The following WEE1 variants were observed in gnomAD, a reference collection of about 807,000 sequenced individuals.
WEE1 encodes the protein WEE1 G2 checkpoint kinase, also known as wee1-like protein kinase.
A neutral mutation model predicts 68.8 loss-of-function variants in WEE1; 16 were observed. That is an observed-to-expected ratio of 0.23 (90% CI 0.16 to 0.35). The LOEUF (loss-of-function observed/expected upper bound fraction) is 0.35, where lower values mean the gene tolerates loss of function less well. WEE1 is among the 10% of genes least tolerant of loss of function. The probability of loss-of-function intolerance (pLI) is 1.00; values close to 1 mark genes in which losing one functional copy is unlikely to be tolerated. For synonymous variants in WEE1, 349 were observed against 318.7 expected (o/e 1.09, Z -1.01); for missense variants, 651 against 824.1 (o/e 0.79, Z 2.57).
intron 5 of WEE1, chr11:9,579,167 G>A (rs895111768): frequency 2.0e-5 from 3 of 152,112 alleles, no homozygotes; most frequent in African/African-American, 7.2e-5. Flanking sequence ...GCCTCTTAAA[G>A]CAATATAAAA....
chr11:9,578,981 A>T (rs932972397), intron 5 of WEE1: 3 of 151,450 alleles, frequency 2.0e-5, no homozygotes, highest in Non-Finnish European at 2.9e-5. Context: ...ATCTCTGCTC[A>T]CTGCAACCTT....
chr11:9,583,759 G>GCACACA (rs1412609889), intron 6 of WEE1, among the ~76,000 whole-genome samples: 187 of 41,452 alleles, frequency 4.5e-3, no homozygotes, highest in Non-Finnish European at 6.5e-3. Flanking sequence ...GTGCACGCGC[G>GCACACA]CGCACACACA....
At chr11:9,582,477 T>C (rs1458612654) in intron 6 of WEE1, among the ~76,000 whole-genome samples, 1 of 152,206 alleles carries the variant, frequency 6.6e-6, no homozygotes, top group Non-Finnish European at 1.5e-5. Context: ...ACCTGTTGAT[T>C]TGTGAGAATT....
chr11:9,579,509 T>C (rs777825762), intron 5 of WEE1: 2 of 152,236 alleles, frequency 1.3e-5, no homozygotes, highest in Non-Finnish European at 1.5e-5. Context: ...GGAATTAACC[T>C]GTATAAACAA....
At position 9,577,255 on chromosome 11, in the gene WEE1, A is replaced by G. The variant is rs1216361016; in HGVS notation, c.1133A>G (p.Tyr378Cys). Reference sequence around the variant, plus strand: ...GATCATATGCTTATACAGAATGAATATTGTAATGGTGAGTGATGTAATGGT... The same window carrying G: ...GATCATATGCTTATACAGAATGAATGTTGTAATGGTGAGTGATGTAATGGT... The part of the protein sequence containing the change: ...EDDHMLIQNE[Y>C]CNGGSLADAI... Residue 378 changes from tyrosine to cysteine, a missense_variant, in exon 5 of 11, where the codon TAT (tyrosine) becomes TGT (cysteine). By Grantham distance (194) the Tyr-to-Cys change is radical. Coordinates refer to ENST00000450114, the MANE Select transcript of WEE1 (RefSeq NM_003390.4). 1.2e-6 allele frequency: 2 copies of G among 1,612,904 alleles called. No individual in the cohort carries two copies. The highest frequency in any genetic ancestry group is 1.3e-5 in the African/African-American group (1 of 74,914).
Position 9,574,790 on chromosome 11 carries a change from C to T in WEE1, c.576+281C>T. The T allele has an allele frequency of 5.0e-6, 5 of 1,007,464 alleles. No homozygotes were observed. The highest frequency in any genetic ancestry group is 5.9e-6 in the Non-Finnish European group (5 of 844,508). The allele number at this position is 1,007,464 out of a possible 1,614,324, so 62.4% of individuals were successfully genotyped here. On this transcript the variant is annotated intron_variant, in intron 1 of 10. Transcript: ENST00000450114. This position sits in a 1 kb window ranked among gnomAD's most constrained non-coding sequence, Gnocchi z 4.9. ...TGCCGCCCGTTGAGTCCGGGCCGCC[C>T]CGAGCGTGTCAGCCCCGAGTGCGGC...
In WEE1 at chr11:9,573,918, C is replaced by T; in HGVS notation, c.-16C>T. The T allele has an allele frequency of 1.6e-6, 2 of 1,256,708 alleles. No homozygotes were observed. Among genetic ancestry groups the T allele is most frequent in the Non-Finnish European group, 2.0e-6 (2 of 1,002,142 alleles). The allele number at this position is 1,256,708 out of a possible 1,614,324, so 77.8% of individuals were successfully genotyped here. Reference sequence around the variant, plus strand: ...GCCTCCGCTCTCCTGTCCTCGGCCCCGTCCCCAGGGCCGCGATGAGCTTCC... The same window carrying T: ...GCCTCCGCTCTCCTGTCCTCGGCCCTGTCCCCAGGGCCGCGATGAGCTTCC... On this transcript the variant is annotated 5_prime_UTR_variant, in exon 1 of 11. Coordinates refer to ENST00000450114, the MANE Select transcript of WEE1 (RefSeq NM_003390.4).
chr11:9,576,191 C>G lies in WEE1; in HGVS notation c.783-39C>G, dbSNP rs1461271466. 1 of 1,582,538 alleles carries G rather than the reference C, an allele frequency of 6.3e-7. No individual in the cohort carries two copies. The highest frequency in any genetic ancestry group is 1.1e-5 in the South Asian group (1 of 88,236). On this transcript the variant is annotated intron_variant, in intron 2 of 10. Coordinates refer to ENST00000450114, the MANE Select transcript of WEE1 (RefSeq NM_003390.4). The surrounding 1 kb of genome is among the most constrained non-coding windows in gnomAD (Gnocchi z 4.3). ...TTCCTATTTAATGGCATGGATGTAT[C>G]TGTCAGATATATTGATAGAAAAATA...
chr11:9,574,591 G>C lies in WEE1; in HGVS notation c.576+82G>C. Reference sequence around the variant, plus strand: ...GCGCCGCTGCCTGGGTTCGGTTACAGAAGCGGCCGGCCGCTCCCCCCTCGC... The same window carrying C: ...GCGCCGCTGCCTGGGTTCGGTTACACAAGCGGCCGGCCGCTCCCCCCTCGC... On this transcript the variant is annotated intron_variant, in intron 1 of 10. Transcript: ENST00000450114. The surrounding 1 kb of genome is among the most constrained non-coding windows in gnomAD (Gnocchi z 4.9). The C allele has an allele frequency of 8.9e-7, 1 of 1,125,226 alleles. No individual in the cohort carries two copies. The allele number at this position is 1,125,226 out of a possible 1,614,324, so 69.7% of individuals were successfully genotyped here. A position where few individuals can be genotyped will look rare whatever the true frequency, so the allele number is the denominator to read the frequency against.
chr11:9,577,341 C>T (rs1464519167), intron 5 of WEE1, 78 bp downstream of exon 5: 2 of 1,513,044 alleles, frequency 1.3e-6, no homozygotes, highest in East Asian at 2.3e-5. Context: ...TAAAATCTTG[C>T]TCTATTTCTG....
At chr11:9,575,232 G>C (rs1301164220) in intron 1 of WEE1, 1 of 985,442 alleles carries the variant, frequency 1.0e-6, no homozygotes, top group Non-Finnish European at 1.2e-6. Flanking sequence ...TAAAGAAGGA[G>C]GTGTTCAGCA....
chr11:9,579,190 A>C (rs1483600732), intron 5 of WEE1: 31 of 152,340 alleles, frequency 2.0e-4, no homozygotes, highest in Admixed American at 2.0e-3. Flanking sequence ...CTTGAAGAAA[A>C]TAAATAGTCC....
Position 9,576,543 on chromosome 11 carries a change from G to A in WEE1, c.903G>A (p.Glu301=), listed in dbSNP as rs1479742060. ...MKSRYTTEFH[E]LEKIGSGEFG... is the part of the protein sequence containing the mutation. ...CCCGGTATACAACAGAATTTCATGA[G>A]CTAGAGAAAATCGGCTCTGGAGAAT... Residue 301 remains glutamate (E), a synonymous_variant, in exon 4 of 11, where the codon GAG becomes GAA. Transcript: ENST00000450114. The surrounding 1 kb of genome is among the most constrained non-coding windows in gnomAD (Gnocchi z 4.3). The A allele has an allele frequency of 3.1e-6, 5 of 1,613,902 alleles. No homozygotes were observed. The highest frequency in any genetic ancestry group is 1.3e-5 in the African/African-American group (1 of 74,910).
At chr11:9,582,644 G>C (rs1053103161) in intron 6 of WEE1, among the ~76,000 whole-genome samples, 1 of 152,244 alleles carries the variant, frequency 6.6e-6, no homozygotes, top group East Asian at 1.9e-4. Context: ...TCAGCTCTCT[G>C]TAACCTCTGC....
chr11:9,578,941 C>G (rs1381669197), intron 5 of WEE1: 1 of 150,728 alleles, frequency 6.6e-6, no homozygotes, highest in Non-Finnish European at 1.5e-5. Context: ...GAGCCTTGCT[C>G]TGTCGCCCAG....
intron 6 of WEE1, among the ~76,000 whole-genome samples, chr11:9,582,129 C>T (rs1184587433): frequency 2.0e-5 from 3 of 152,252 alleles, no homozygotes; most frequent in South Asian, 2.1e-4. Context: ...TAAAGCCCCA[C>T]TCTTCCACTA....
chr11:9,589,527 T>C lies in WEE1; in HGVS notation c.*925T>C. The C allele has an allele frequency of 1.0e-6, 1 of 985,646 alleles. No homozygotes were observed. The highest frequency in any genetic ancestry group is 1.2e-6 in the Non-Finnish European group (1 of 829,866). The allele number at this position is 985,646 out of a possible 1,614,324, so 61.1% of individuals were successfully genotyped here. A position where few individuals can be genotyped will look rare whatever the true frequency, so the allele number is the denominator to read the frequency against. On this transcript the variant is annotated 3_prime_UTR_variant, in exon 11 of 11. Transcript: ENST00000450114. ...GTATATAAACCGATCTTCGTGATAC[T>C]GTACATAGCTGTTTGAAATGCCAGA...
intron 5 of WEE1, 110 bp downstream of exon 5, chr11:9,577,373 T>C: frequency 7.2e-7 from 1 of 1,382,946 alleles, no homozygotes; most frequent in Non-Finnish European, 9.8e-7. Context: ...TTTTATAAAT[T>C]TAAAGATCAG....
At chr11:9,583,183 C>T (rs1205362659) in intron 6 of WEE1, among the ~76,000 whole-genome samples, 5 of 151,826 alleles carry the variant, frequency 3.3e-5, no homozygotes, top group South Asian at 2.1e-4. Context: ...TGTAGTGGTG[C>T]GCACCTATAG....
Sources: allele counts gnomAD v4.1 joint callset (sites outside exome capture counted in the v4.1 genomes callset), GRCh38; gene constraint gnomAD v4.1.1; non-coding constraint Gnocchi (gnomAD v3.1); transcripts MANE v1.5; gene names NCBI Gene and HGNC (gene_info 2026-07-23, HGNC 2026-07-21).